NDUFA3: variants seen among roughly 807,000 people sequenced by gnomAD.
NDUFA3 encodes NADH dehydrogenase [ubiquinone] 1 alpha subcomplex subunit 3.
NDUFA3 carries 10 observed loss-of-function variants against 11.4 expected under a neutral mutation model. The ratio of observed to expected loss-of-function variants is 0.87; its 90% confidence interval spans 0.54 to 1.48. The LOEUF is 1.48. Ranked by LOEUF, NDUFA3 falls within the 40% of genes most tolerant of loss-of-function variation. NDUFA3 has a pLI of 0.00. For missense variants in NDUFA3, 115 were observed against 110.5 expected, an observed-to-expected ratio of 1.04 and a Z score of -0.18; for synonymous variants, 39 against 46.9, an observed-to-expected ratio of 0.83 and a Z score of 0.68.
rs2073304981 is a variant in NDUFA3 at position 54,107,490 on chromosome 19, C to T, written c.*588C>T. On this transcript the variant is annotated 3_prime_UTR_variant, in exon 4 of 4. Coordinates refer to ENST00000485876, the MANE Select transcript of NDUFA3 (RefSeq NM_004542.4). ...TCTCAGACTCCTGGCCTCAAGTGATCCTCCCACCTAGGCCTCCCAAAGTGC... is the reference window on the plus strand; with the variant it reads ...TCTCAGACTCCTGGCCTCAAGTGATTCTCCCACCTAGGCCTCCCAAAGTGC... 8.6e-6 allele frequency: 3 copies of T among 349,182 alleles called. No homozygotes were observed. Among genetic ancestry groups the T allele is most frequent in the Non-Finnish European group, 1.6e-5 (3 of 190,240 alleles). The allele number at this position is 349,182 out of a possible 1,614,324, so 21.6% of individuals were successfully genotyped here. A position where few individuals can be genotyped will look rare whatever the true frequency, so the allele number is the denominator to read the frequency against.
At position 54,103,032 on chromosome 19, in the gene NDUFA3, C is replaced by T. The variant is rs587695235; in HGVS notation, c.11-82C>T. 234 of 1,548,728 alleles carry T rather than the reference C, an allele frequency of 1.5e-4. 1 individual carries two copies. The highest frequency in any genetic ancestry group is 2.9e-5 in the Non-Finnish European group (33 of 1,136,332). The stretch of plus-strand genomic sequence containing the variant: ...ACGCAGAAGTCACGAGGGGGCTCCT[C>T]CAGGGCAGGGGTGGCACGAGAGGGT... On this transcript the variant is annotated intron_variant, in intron 1 of 3. Transcript: ENST00000485876.
rs1268820129 is a variant in NDUFA3 at position 54,105,263 on chromosome 19, G to T, written c.86-671G>T. ...AACCCTTTCTCCTCCAGTTTGTAAG[G>T]CTTTTTTTTTTTTTTTTTTTTTGGT... On this transcript the variant is annotated intron_variant, in intron 2 of 3. Coordinates refer to ENST00000485876, the MANE Select transcript of NDUFA3 (RefSeq NM_004542.4). 1.5e-4 allele frequency among the ~76,000 whole-genome samples: 6 copies of T among 38,998 alleles called. 1 individual carries two copies. The highest frequency in any genetic ancestry group is 2.7e-4 in the Non-Finnish European group (5 of 18,662). The allele number at this position is 38,998 out of a possible 152,430, so 25.6% of individuals were successfully genotyped here.
Position 54,104,135 on chromosome 19 carries a change from CTTT to C in NDUFA3, c.85+965_85+967del, listed in dbSNP as rs58827171. On this transcript the variant is annotated intron_variant, in intron 2 of 3. Transcript: ENST00000485876. ...GGCGTGAGCCACCGCGCCCGGCCAG[CTTT>C]TTTTTTTTTTTTTTTTTGAGATGGC... is the stretch of plus-strand genomic sequence containing the variant. Among the ~76,000 whole-genome samples, 351 of 88,592 alleles carry C rather than the reference CTTT, an allele frequency of 4.0e-3. 3 individuals are homozygous for C. Among genetic ancestry groups the C allele is most frequent in the African/African-American group, 0.012 (255 of 21,552 alleles). The allele number at this position is 88,592 out of a possible 152,430, so 58.1% of individuals were successfully genotyped here. A position where few individuals can be genotyped will look rare whatever the true frequency, so the allele number is the denominator to read the frequency against.
intron 2 of NDUFA3, among the ~76,000 whole-genome samples, chr19:54,105,228 T>C (rs1360369907): frequency 1.3e-5 from 2 of 149,606 alleles, no homozygotes; most frequent in African/African-American, 5.0e-5. Flanking sequence ...TCAGTGACTG[T>C]TGTTTGTGCA....
At chr19:54,104,189 G>T (rs1427975463) in intron 2 of NDUFA3, among the ~76,000 whole-genome samples, 1 of 137,322 alleles carries the variant, frequency 7.3e-6, no homozygotes, top group Admixed American at 8.0e-5. Flanking sequence ...CCAGGCTACA[G>T]TGCAATGGTT....
intron 2 of NDUFA3, chr19:54,105,634 T>C (rs1425806356): frequency 3.2e-6 from 2 of 634,054 alleles, no homozygotes; most frequent in Admixed American, 4.3e-5. Context: ...TGCTCCATGA[T>C]GACCCTACAC....
intron 2 of NDUFA3, among the ~76,000 whole-genome samples, chr19:54,105,103 A>G (rs2073213865): frequency 6.6e-6 from 1 of 152,028 alleles, no homozygotes; most frequent in Non-Finnish European, 1.5e-5. Flanking sequence ...TAGAAGATAT[A>G]AAATTATATA....
rs761931254 is a variant in NDUFA3 at position 54,106,018 on chromosome 19, G to T, written c.163+7G>T. On this transcript the variant is annotated splice_region_variant and intron_variant, in intron 3 of 3. Transcript: ENST00000485876. ...ACGCCCTACAACTACCCAGGTGAGTGGGGGCCAGGCAGGGATCCCCGGAAT... is the reference window on the plus strand; with the variant it reads ...ACGCCCTACAACTACCCAGGTGAGTTGGGGCCAGGCAGGGATCCCCGGAAT... The T allele has an allele frequency of 1.1e-5, 18 of 1,610,774 alleles. No homozygotes were observed. In the South Asian group the frequency reaches 2.0e-4, roughly 18 times the overall value.
At chr19:54,105,263 GCTTTTTTTT>G (rs2073220825) in intron 2 of NDUFA3, among the ~76,000 whole-genome samples, 2 of 38,998 alleles carry the variant, frequency 5.1e-5, no homozygotes, top group African/African-American at 2.1e-4. Flanking sequence ...AGTTTGTAAG[GCTTTTTTTT>G]TTTTTTTTTT....
Position 54,106,007 on chromosome 19 carries a change from C to T in NDUFA3, c.159C>T (p.Tyr53=). 6.2e-7 allele frequency: 1 copy of T among 1,612,870 alleles called. No homozygotes were observed. The highest frequency in any genetic ancestry group is 1.1e-5 in the South Asian group (1 of 91,052). Residue 53 remains tyrosine (Y), a synonymous_variant, in exon 3 of 4, where the codon TAC becomes TAT. Coordinates refer to ENST00000485876, the MANE Select transcript of NDUFA3 (RefSeq NM_004542.4). Reference sequence around the variant, plus strand: ...TCAACAAGGCCACGCCCTACAACTACCCAGGTGAGTGGGGGCCAGGCAGGG... The same window carrying T: ...TCAACAAGGCCACGCCCTACAACTATCCAGGTGAGTGGGGGCCAGGCAGGG... The part of the protein sequence containing the change: ...VMINKATPYN[Y]PVPVRDDGNM...
intron 2 of NDUFA3, among the ~76,000 whole-genome samples, chr19:54,104,094 A>G (rs1483816672): frequency 1.3e-5 from 2 of 148,444 alleles, no homozygotes; most frequent in Non-Finnish European, 3.0e-5. Flanking sequence ...CGGTCTCCCA[A>G]AGTGCTGGGA....
intron 2 of NDUFA3, 54 bp downstream of exon 2, chr19:54,103,242 T>C: frequency 6.6e-7 from 1 of 1,518,424 alleles, no homozygotes; most frequent in South Asian, 1.3e-5. Flanking sequence ...TCCCCCTACA[T>C]CCCTCCATCT....
chr19:54,106,136 C>T (rs1378576430), intron 3 of NDUFA3, 125 bp downstream of exon 3: 16 of 847,030 alleles, frequency 1.9e-5, no homozygotes, highest in East Asian at 5.2e-5. Context: ...CCGGACCCCC[C>T]GTTCCATTTT....
rs1316415018 is a variant in NDUFA3 at position 54,105,264 on chromosome 19, C to CCTTTTTTTTTTTT, written c.86-670_86-669insCTTTTTTTTTTTT. Reference sequence around the variant, plus strand: ...ACCCTTTCTCCTCCAGTTTGTAAGGCTTTTTTTTTTTTTTTTTTTTTGGTG... The same window carrying CCTTTTTTTTTTTT: ...ACCCTTTCTCCTCCAGTTTGTAAGGCCTTTTTTTTTTTTTTTTTTTTTTTTTTTTTTTTTGGTG... On this transcript the variant is annotated intron_variant, in intron 2 of 3. Coordinates refer to ENST00000485876, the MANE Select transcript of NDUFA3 (RefSeq NM_004542.4). 1.0e-3 allele frequency among the ~76,000 whole-genome samples: 73 copies of CCTTTTTTTTTTTT among 71,254 alleles called. 10 individuals carry two copies. Among genetic ancestry groups the CCTTTTTTTTTTTT allele is most frequent in the East Asian group, 1.3e-3 (3 of 2,366 alleles). The allele number at this position is 71,254 out of a possible 152,430, so 46.7% of individuals were successfully genotyped here.
rs930021278 is a variant in NDUFA3 at position 54,107,491 on chromosome 19, C to T, written c.*589C>T. ...CTCAGACTCCTGGCCTCAAGTGATC[C>T]TCCCACCTAGGCCTCCCAAAGTGCC... On this transcript the variant is annotated 3_prime_UTR_variant, in exon 4 of 4. Coordinates refer to ENST00000485876, the MANE Select transcript of NDUFA3 (RefSeq NM_004542.4). The T allele has an allele frequency of 2.0e-5, 7 of 349,380 alleles. No individual in the cohort carries two copies. Among genetic ancestry groups the T allele is most frequent in the Admixed American group, 1.3e-4 (3 of 22,386 alleles). 21.6% of individuals were successfully genotyped at this position (349,380 alleles called of 1,614,324 possible). A position where few individuals can be genotyped will look rare whatever the true frequency, so the allele number is the denominator to read the frequency against.
chr19:54,105,367 C>G (rs1459682297), intron 2 of NDUFA3, among the ~76,000 whole-genome samples: 1 of 150,414 alleles, frequency 6.6e-6, no homozygotes, highest in Non-Finnish European at 1.5e-5. Context: ...CTCCCAGGCT[C>G]AAGGGATTCT....
rs1255532713 is a variant in NDUFA3 at position 54,102,965 on chromosome 19, G to GC, written c.10+78dup. On this transcript the variant is annotated intron_variant, in intron 1 of 3. Transcript: ENST00000485876. ...TGGGCGGTCCTGGGACTGAGGTGCG[G>GC]CAGGGCAGGGGTGGAAGCGATGGGG... 28 of 1,572,246 alleles carry GC rather than the reference G, an allele frequency of 1.8e-5. No homozygotes were observed. In the Admixed American group the frequency reaches 4.9e-4, roughly 27 times the overall value.
intron 3 of NDUFA3, chr19:54,106,477 G>A (rs756754914): frequency 1.6e-5 from 6 of 382,372 alleles, no homozygotes; most frequent in East Asian, 9.4e-5. Flanking sequence ...CCTGTGCTTC[G>A]AGTTTCTATT....
Position 54,105,951 on chromosome 19 carries a change from T to C in NDUFA3, c.103T>C (p.Leu35=), listed in dbSNP as rs757467001. The C allele has an allele frequency of 8.1e-6, 13 of 1,613,340 alleles. No individual in the cohort carries two copies. Among genetic ancestry groups the C allele is most frequent in the South Asian group, 2.2e-5 (2 of 91,070 alleles). The change falls in exon 3 of 4, where the codon TTG becomes CTG. Residue 35 remains leucine, a synonymous_variant. Transcript: ENST00000485876. Reference sequence around the variant, plus strand: ...CTCCACAGCTGTAATTCTGCCCCCATTGAGCCCCTACTTCAAGTACTCCGT... The same window carrying C: ...CTCCACAGCTGTAATTCTGCCCCCACTGAGCCCCTACTTCAAGTACTCCGT... ...VGGLAVILPP[L]SPYFKYSVMI...
Sources: allele counts gnomAD v4.1 joint callset (sites outside exome capture counted in the v4.1 genomes callset), GRCh38; gene constraint gnomAD v4.1.1; transcripts MANE v1.5; gene names NCBI Gene and HGNC (gene_info 2026-07-23, HGNC 2026-07-21).